Variants in RORA observed in about 807,000 individuals in gnomAD.
The protein encoded by RORA is RAR related orphan receptor A.
A neutral mutation model predicts 69.5 loss-of-function variants in RORA; 7 were observed. That is an observed-to-expected ratio of 0.10 (90% CI 0.06 to 0.19). RORA has a LOEUF of 0.19. Ranked by LOEUF, RORA falls within the 10% of genes least tolerant of loss-of-function variation. The pLI is 1.00. For synonymous variants in RORA, 261 were observed against 240.8 expected, an observed-to-expected ratio of 1.08 and a Z score of -0.78; for missense variants, 457 against 663.0, an observed-to-expected ratio of 0.69 and a Z score of 3.41.
chr15:60,818,820 C>G (rs1417453474), intron 1 of RORA, among the ~76,000 whole-genome samples: 1 of 152,196 alleles, frequency 6.6e-6, no homozygotes, highest in Non-Finnish European at 1.5e-5. Flanking sequence ...TTTCTGAGCC[C>G]TGTGTACATA....
intron 1 of RORA, among the ~76,000 whole-genome samples, chr15:61,006,997 T>C (rs1894931016): frequency 6.6e-6 from 1 of 152,050 alleles, no homozygotes; most frequent in African/African-American, 2.4e-5. Flanking sequence ...TGTCTGATAA[T>C]GCATTTGTGG....
At chr15:60,757,947 A>G (rs2071826593) in intron 1 of RORA, among the ~76,000 whole-genome samples, 1 of 152,190 alleles carries the variant, frequency 6.6e-6, no homozygotes, top group African/African-American at 2.4e-5. Context: ...GGTACAGCCC[A>G]GCAATGCAGA....
At chr15:60,768,240 A>G (rs2072019477) in intron 1 of RORA, among the ~76,000 whole-genome samples, 2 of 152,232 alleles carry the variant, frequency 1.3e-5, no homozygotes, top group South Asian at 4.1e-4. Flanking sequence ...CAATACCCAG[A>G]TACATCCATC....
At chr15:60,872,721 G>T (rs7166448) in intron 1 of RORA, among the ~76,000 whole-genome samples, 1 of 152,040 alleles carries the variant, frequency 6.6e-6, no homozygotes. Flanking sequence ...CAGTACATCT[G>T]GTCTTTCTTG....
intron 1 of RORA, among the ~76,000 whole-genome samples, chr15:61,078,391 G>T (rs772028962): frequency 1.4e-5 from 2 of 146,142 alleles, no homozygotes; most frequent in Non-Finnish European, 3.0e-5. Flanking sequence ...TAGAAATGGG[G>T]TTTCACCATG....
intron 1 of RORA, among the ~76,000 whole-genome samples, chr15:60,917,977 C>A (rs889309581): frequency 2.7e-4 from 41 of 152,348 alleles, no homozygotes; most frequent in African/African-American, 9.9e-4. Context: ...GCTGGGCTTT[C>A]TTCCCATTCT....
At chr15:60,576,806 A>C (rs1465508841) in intron 2 of RORA, among the ~76,000 whole-genome samples, 1 of 152,204 alleles carries the variant, frequency 6.6e-6, no homozygotes, top group Non-Finnish European at 1.5e-5. Context: ...CACAGTGATA[A>C]AATTCTCCAA....
intron 1 of RORA, among the ~76,000 whole-genome samples, chr15:60,878,123 G>T (rs1258532913): frequency 7.1e-6 from 1 of 141,120 alleles, no homozygotes; most frequent in East Asian, 2.1e-4. Context: ...TCAGGAGATC[G>T]ATGCCATCCT....
chr15:60,668,512 CAGTTA>C (rs2070413483), intron 2 of RORA, among the ~76,000 whole-genome samples: 1 of 152,118 alleles, frequency 6.6e-6, no homozygotes, highest in South Asian at 2.1e-4. Context: ...AGAGGCTGCC[CAGTTA>C]AGTTATTAGG....
intron 1 of RORA, among the ~76,000 whole-genome samples, chr15:60,823,104 TTC>T: frequency 2.3e-5 from 1 of 44,138 alleles, no homozygotes; most frequent in Non-Finnish European, 4.6e-5. Context: ...TCCTTCATTC[TTC>T]TCTTTCTCTC....
At chr15:60,932,935 G>A (rs747505565) in intron 1 of RORA, among the ~76,000 whole-genome samples, 3 of 152,164 alleles carry the variant, frequency 2.0e-5, no homozygotes, top group African/African-American at 4.8e-5. Flanking sequence ...TCCCTGAAGA[G>A]TGTTGATGGC....
intron 1 of RORA, among the ~76,000 whole-genome samples, chr15:61,182,569 G>A (rs28663327): frequency 0.026 from 3,986 of 152,306 alleles, 176 homozygotes; most frequent in African/African-American, 0.09. Context: ...GTTTCCAGTA[G>A]GAGAAAGGTT....
In RORA at chr15:60,987,468, C is replaced by T. The variant is rs577576476; in HGVS notation, c.166+241585G>A. Among the ~76,000 whole-genome samples the T allele has an allele frequency of 1.1e-4, 17 of 152,272 alleles. No homozygotes were observed. In the South Asian group the frequency reaches 3.5e-3, roughly 32 times the overall value. On this transcript the variant is annotated intron_variant, in intron 1 of 10. Coordinates refer to ENST00000335670, the MANE Select transcript of RORA (RefSeq NM_134261.3). ...CCTCTCTGAATCACAGATTCTTTAT[C>T]ATAAAATTCTGGGTCATAGTGAGGA... is the stretch of plus-strand genomic sequence containing the variant.
chr15:60,539,606 C>G (rs2066795040), intron 2 of RORA, among the ~76,000 whole-genome samples: 1 of 152,132 alleles, frequency 6.6e-6, no homozygotes, highest in Non-Finnish European at 1.5e-5. Context: ...AGTGAAAGAC[C>G]TGAACAGCAA....
intron 1 of RORA, among the ~76,000 whole-genome samples, chr15:60,859,259 G>A (rs1310836544): frequency 6.6e-6 from 1 of 151,914 alleles, no homozygotes; most frequent in Non-Finnish European, 1.5e-5. Context: ...GATCCCCTAA[G>A]GACAATGGCT....
intron 1 of RORA, among the ~76,000 whole-genome samples, chr15:61,139,012 C>T (rs1224044637): frequency 4.6e-5 from 7 of 151,646 alleles, no homozygotes; most frequent in African/African-American, 1.5e-4. Flanking sequence ...GGCGTGGTGG[C>T]GGGCGCCTGT....
At chr15:60,980,634 A>G (rs1037361584) in intron 1 of RORA, among the ~76,000 whole-genome samples, 2 of 152,050 alleles carry the variant, frequency 1.3e-5, no homozygotes, top group Admixed American at 6.5e-5. Flanking sequence ...GACTTTGTCC[A>G]TTTTATGTAG....
intron 1 of RORA, among the ~76,000 whole-genome samples, chr15:60,872,686 C>T (rs970818559): frequency 6.6e-6 from 1 of 152,156 alleles, no homozygotes; most frequent in Non-Finnish European, 1.5e-5. Context: ...ATTTGTCATT[C>T]CAATTAACTA....
At chr15:60,939,653 C>T (rs1222000976) in intron 1 of RORA, among the ~76,000 whole-genome samples, 3 of 152,208 alleles carry the variant, frequency 2.0e-5, no homozygotes, top group South Asian at 2.1e-4. Context: ...CTTTTGTTCC[C>T]CGCTCATTAT....
Sources: gnomAD v4.1 joint callset for allele counts (sites outside exome capture counted in the v4.1 genomes callset) on GRCh38, gnomAD v4.1.1 for gene constraint, MANE v1.5 for transcripts, NCBI Gene and HGNC (gene_info 2026-07-23, HGNC 2026-07-21) for gene names.